The following NBEAL2 variants were observed in gnomAD, a reference collection of about 807,000 sequenced individuals.
NBEAL2 encodes neurobeachin like 2, also known as neurobeachin-like protein 2.
NBEAL2 carries 160 observed loss-of-function variants against 299.8 expected under a neutral mutation model. The observed-to-expected ratio is 0.53, with a 90% CI of 0.47 to 0.61. The LOEUF (loss-of-function observed/expected upper bound fraction) is 0.61, where lower values mean the gene tolerates loss of function less well. Among genes scored for constraint, NBEAL2 ranks in the 20% least tolerant of loss-of-function variants. The pLI is 0.00. For synonymous variants in NBEAL2, 1,493 were observed against 1,542.3 expected, an observed-to-expected ratio of 0.97 and a Z score of 0.75; for missense variants, 3,112 against 3,649.0, an observed-to-expected ratio of 0.85 and a Z score of 3.79.
chr3:47,008,191 GTGTAT>G lies in NBEAL2; in HGVS notation c.7719+6_7719+10del, dbSNP rs766690734. On this transcript the variant is annotated splice_donor_region_variant and intron_variant, in intron 50 of 53. Transcript: ENST00000450053. ...ATGGCTGTGTCTGGATCTGAGGTGT[GTGTAT>G]GCATGTGCCCTGGGGAGGGTGAGTT... is the stretch of plus-strand genomic sequence containing the variant. 1 of 1,613,922 alleles carries G rather than the reference GTGTAT, an allele frequency of 6.2e-7. No homozygotes were observed. Among genetic ancestry groups the G allele is most frequent in the Non-Finnish European group, 8.5e-7 (1 of 1,179,840 alleles).
Position 47,000,363 on chromosome 3 carries a change from A to G in NBEAL2, c.4264A>G (p.Thr1422Ala), listed in dbSNP as rs983126042. 1.9e-6 allele frequency: 3 copies of G among 1,593,702 alleles called. No individual in the cohort carries two copies. The highest frequency in any genetic ancestry group is 1.7e-5 in the Admixed American group (1 of 59,244). ...VLEDGSLPEP[T>A]ISGDDTSNTS... The stretch of plus-strand genomic sequence containing the variant: ...GGAGGACGGCAGCCTCCCGGAGCCC[A>G]CCATTAGCGGGGATGATACCTCGAA... The change falls in exon 27 of 54, where the codon ACC (threonine) becomes GCC (alanine). Residue 1422 changes from threonine (T) to alanine (A), a missense_variant. By Grantham distance (58) the Thr-to-Ala change is moderately conservative. This residue lies in a region of NBEAL2 where 2,243 missense variants were observed against 2,538.1 expected (regional missense o/e 0.88). Coordinates refer to ENST00000450053, the MANE Select transcript of NBEAL2 (RefSeq NM_015175.3). This position sits in a 1 kb window ranked among gnomAD's most constrained non-coding sequence, Gnocchi z 4.5.
At chr3:46,983,311 C>T (rs1418941088) in intron 1 of NBEAL2, among the ~76,000 whole-genome samples, 2 of 131,184 alleles carry the variant, frequency 1.5e-5, no homozygotes, top group African/African-American at 2.9e-5. Flanking sequence ...GGTCATATTC[C>T]TTTTTTTTTT....
At chr3:46,994,820 G>A (rs1233763902) in intron 12 of NBEAL2, among the ~76,000 whole-genome samples, 1 of 152,210 alleles carries the variant, frequency 6.6e-6, no homozygotes, top group Non-Finnish European at 1.5e-5. Flanking sequence ...TGAAAACTAA[G>A]GTTGAGGGAT....
At chr3:46,994,093 C>A in intron 11 of NBEAL2, 73 bp downstream of exon 11, 1 of 1,451,898 alleles carries the variant, frequency 6.9e-7, no homozygotes, top group Non-Finnish European at 9.4e-7. Context: ...CAGAACAGGC[C>A]TGGCCGGTGG....
At chr3:47,007,999 C>G (rs923017227) in intron 49 of NBEAL2, 71 bp from the exon 50 acceptor site, 1 of 1,585,492 alleles carries the variant, frequency 6.3e-7, no homozygotes, top group African/African-American at 1.3e-5. Flanking sequence ...CTGTCCTCCT[C>G]TAGTCTTGGA....
rs2036291691 is a variant in NBEAL2 at position 46,994,009 on chromosome 3, C to T, written c.1186C>T (p.Pro396Ser). ...RVLTCIMSDS[P>S]SAKEVFKERI... ...GCTGACCTGCATCATGAGTGACTCC[C>T]CCTCGGCCAAGGTGAGGCTGCTGCA... The change falls in exon 11 of 54, where the codon CCC becomes TCC. Residue 396 changes from proline to serine, a missense_variant. Transcript: ENST00000450053. 6.2e-7 allele frequency: 1 copy of T among 1,610,574 alleles called. No individual in the cohort carries two copies. Among genetic ancestry groups the T allele is most frequent in the Non-Finnish European group, 8.5e-7 (1 of 1,178,740 alleles).
chr3:46,996,678 G>A, intron 16 of NBEAL2, 73 bp from the exon 17 acceptor site: 2 of 1,558,636 alleles, frequency 1.3e-6, no homozygotes, highest in Non-Finnish European at 1.7e-6. Context: ...GGTCTCTCCT[G>A]TGGTCAGGCA....
chr3:47,008,273 C>T lies in NBEAL2; in HGVS notation c.7720-10C>T. 6.2e-7 allele frequency: 1 copy of T among 1,613,154 alleles called. No homozygotes were observed. Among genetic ancestry groups the T allele is most frequent in the Non-Finnish European group, 8.5e-7 (1 of 1,179,490 alleles). ...ACTCCTGCCCAGGACCCTAAGTTGCCTTCCTGCAGGATGGAACTGTGATCA... is the reference window on the plus strand; with the variant it reads ...ACTCCTGCCCAGGACCCTAAGTTGCTTTCCTGCAGGATGGAACTGTGATCA... On this transcript the variant is annotated splice_polypyrimidine_tract_variant and intron_variant, in intron 50 of 53. Transcript: ENST00000450053.
At position 47,001,907 on chromosome 3, in the gene NBEAL2, C is replaced by G. The variant is rs757577225; in HGVS notation, c.4783-13C>G. 6.2e-6 allele frequency: 10 copies of G among 1,605,642 alleles called. No homozygotes were observed. Among genetic ancestry groups the G allele is most frequent in the Non-Finnish European group, 8.5e-6 (10 of 1,174,128 alleles). On this transcript the variant is annotated splice_polypyrimidine_tract_variant and intron_variant, in intron 30 of 53. Coordinates refer to ENST00000450053, the MANE Select transcript of NBEAL2 (RefSeq NM_015175.3). The surrounding 1 kb of genome is among the most constrained non-coding windows in gnomAD (Gnocchi z 6.1). Reference sequence around the variant, plus strand: ...GAGTGGCTGGGTGCCACTCATCTCTCTTGCGCCCACAGCTGCATGCCCAGG... The same window carrying G: ...GAGTGGCTGGGTGCCACTCATCTCTGTTGCGCCCACAGCTGCATGCCCAGG...
chr3:46,998,325 G>T, intron 21 of NBEAL2, 99 bp downstream of exon 21: 1 of 1,525,472 alleles, frequency 6.6e-7, no homozygotes, highest in Non-Finnish European at 8.9e-7. Flanking sequence ...CACCTGTTAG[G>T]AATCCAGAAT....
At position 46,994,319 on chromosome 3, in the gene NBEAL2, A is replaced by G. The variant is rs1461152872; in HGVS notation, c.1198-136A>G. ...CCCATCCCTCTGCAGCCCACTGCCC[A>G]CCAGCACTGTCACCCAGAGGCAGAG... On this transcript the variant is annotated intron_variant, in intron 11 of 53. Coordinates refer to ENST00000450053, the MANE Select transcript of NBEAL2 (RefSeq NM_015175.3). 6.2e-6 allele frequency: 5 copies of G among 806,606 alleles called. No individual in the cohort carries two copies. The Admixed American group carries it at 8.1e-5, about 13-fold the overall frequency. The allele number at this position is 806,606 out of a possible 1,614,324, so 50.0% of individuals were successfully genotyped here. A position where few individuals can be genotyped will look rare whatever the true frequency, so the allele number is the denominator to read the frequency against.
intron 1 of NBEAL2, among the ~76,000 whole-genome samples, chr3:46,986,213 T>A (rs1215544527): frequency 6.6e-6 from 1 of 152,162 alleles, no homozygotes; most frequent in Non-Finnish European, 1.5e-5. Flanking sequence ...GCTGAAAGTT[T>A]ACAGGACTGG....
At position 47,000,982 on chromosome 3, in the gene NBEAL2, C is replaced by T. The variant is rs900426301; in HGVS notation, c.4306-19C>T. On this transcript the variant is annotated intron_variant, in intron 27 of 53. Coordinates refer to ENST00000450053, the MANE Select transcript of NBEAL2 (RefSeq NM_015175.3). This position sits in a 1 kb window ranked among gnomAD's most constrained non-coding sequence, Gnocchi z 4.5. Reference sequence around the variant, plus strand: ...AGCCGCCCACAACCCACGCCCACACCACCCACCTGTGCCCACAGCAAACCT... The same window carrying T: ...AGCCGCCCACAACCCACGCCCACACTACCCACCTGTGCCCACAGCAAACCT... 2.7e-5 allele frequency: 42 copies of T among 1,583,636 alleles called. No homozygotes were observed. The highest frequency in any genetic ancestry group is 3.5e-5 in the Non-Finnish European group (41 of 1,165,060).
At position 47,009,333 on chromosome 3, in the gene NBEAL2, C is replaced by G. The variant is rs755354129; in HGVS notation, c.*13C>G. 59 of 1,572,458 alleles carry G rather than the reference C, an allele frequency of 3.8e-5. No homozygotes were observed. Among genetic ancestry groups the G allele is most frequent in the Non-Finnish European group, 4.9e-5 (57 of 1,159,328 alleles). Reference sequence around the variant, plus strand: ...TGAGGCGCGCTGAACCTGGCCAGTCCGGCTGCTCGGGCCCCGCCCCCGGCA... The same window carrying G: ...TGAGGCGCGCTGAACCTGGCCAGTCGGGCTGCTCGGGCCCCGCCCCCGGCA... On this transcript the variant is annotated 3_prime_UTR_variant, in exon 54 of 54. Coordinates refer to ENST00000450053, the MANE Select transcript of NBEAL2 (RefSeq NM_015175.3).
At position 46,998,234 on chromosome 3, in the gene NBEAL2, T is replaced by G. The variant is rs2036650326; in HGVS notation, c.3118+8T>G. On this transcript the variant is annotated splice_region_variant and intron_variant, in intron 21 of 53. Coordinates refer to ENST00000450053, the MANE Select transcript of NBEAL2 (RefSeq NM_015175.3). ...ACTTCGCCGTGCGCCTCGGTAGGTG[T>G]GAGGACCTGAGCAAGGGGCCGGCCA... 1 of 1,606,844 alleles carries G rather than the reference T, an allele frequency of 6.2e-7. No individual in the cohort carries two copies. The highest frequency in any genetic ancestry group is 1.7e-5 in the Admixed American group (1 of 59,106).
At chr3:46,994,588 G>C (rs1392123989) in intron 12 of NBEAL2, 35 bp downstream of exon 12, 1 of 1,528,858 alleles carries the variant, frequency 6.5e-7, no homozygotes, top group Middle Eastern at 1.7e-4. Flanking sequence ...GGTCCCAAAG[G>C]CAACCAGAAC....
chr3:46,990,382 G>C (rs963595465), intron 6 of NBEAL2, among the ~76,000 whole-genome samples: 2 of 152,174 alleles, frequency 1.3e-5, no homozygotes, highest in Admixed American at 6.5e-5. Context: ...ACGTCCTCAA[G>C]ATGAAATCCT....
chr3:47,003,912 G>A lies in NBEAL2; in HGVS notation c.5817G>A (p.Leu1939=), dbSNP rs1324932438. The A allele has an allele frequency of 6.2e-7, 1 of 1,613,646 alleles. No individual in the cohort carries two copies. The highest frequency in any genetic ancestry group is 8.5e-7 in the Non-Finnish European group (1 of 1,179,768). The change falls in exon 36 of 54, where the codon CTG becomes CTA. Residue 1939 remains leucine, a synonymous_variant. Coordinates refer to ENST00000450053, the MANE Select transcript of NBEAL2 (RefSeq NM_015175.3). The surrounding 1 kb of genome is among the most constrained non-coding windows in gnomAD (Gnocchi z 7.0). Reference sequence around the variant, plus strand: ...TAGTGGCCGTGGTCCCAGGGCTGCTGGAGGTCACCACACAGAATGTATACT... The same window carrying A: ...TAGTGGCCGTGGTCCCAGGGCTGCTAGAGGTCACCACACAGAATGTATACT... ...VTVVAVVPGL[L]EVTTQNVYFY...
At position 46,995,985 on chromosome 3, in the gene NBEAL2, G is replaced by C; in HGVS notation, c.2085G>C (p.Leu695=). ...GGCGCCGGCCCTTCAGCCAGAACCT[G>C]GTCCATGTCTACAAAGACGGCCATC... ...VPGRRPFSQN[L]VHVYKDGHLV... The change falls in exon 15 of 54, where the codon CTG becomes CTC. Residue 695 remains leucine, a synonymous_variant. Transcript: ENST00000450053. The C allele has an allele frequency of 6.2e-7, 1 of 1,613,110 alleles. No individual in the cohort carries two copies. The highest frequency in any genetic ancestry group is 8.5e-7 in the Non-Finnish European group (1 of 1,179,726).
Sources: gnomAD v4.1 joint callset for allele counts (sites outside exome capture counted in the v4.1 genomes callset) on GRCh38, gnomAD v4.1.1 for gene constraint, gnomAD v4.1.1 regional missense constraint, Gnocchi (gnomAD v3.1) non-coding constraint, MANE v1.5 for transcripts, NCBI Gene and HGNC (gene_info 2026-07-23, HGNC 2026-07-21) for gene names.